Variants in PTPRD observed in about 807,000 individuals in gnomAD.
PTPRD encodes protein tyrosine phosphatase receptor type D, also known as receptor-type tyrosine-protein phosphatase delta.
A neutral mutation model predicts 214.5 loss-of-function variants in PTPRD; 34 were observed. The observed-to-expected ratio is 0.16, with a 90% CI of 0.12 to 0.21. The LOEUF is 0.21. Ranked by LOEUF, PTPRD falls within the 10% of genes least tolerant of loss-of-function variation. The pLI, the probability that PTPRD is intolerant of heterozygous loss-of-function variation, is 1.00. For missense variants in PTPRD, 2,545 were observed against 2,398.7 expected, an observed-to-expected ratio of 1.06 and a Z score of -1.27; for synonymous variants, 1,128 against 845.7, an observed-to-expected ratio of 1.33 and a Z score of -5.79.
chr9:9,678,570 A>T (rs924798811), intron 7 of PTPRD, among the ~76,000 whole-genome samples: 1 of 151,954 alleles, frequency 6.6e-6, no homozygotes, highest in Admixed American at 6.6e-5. Flanking sequence ...TTTAATAAAA[A>T]TTATAGTGAA....
chr9:9,061,052 TG>T (rs2099706302), intron 10 of PTPRD, among the ~76,000 whole-genome samples: 1 of 152,128 alleles, frequency 6.6e-6, no homozygotes, highest in South Asian at 2.1e-4. Context: ...CAAGCATAAC[TG>T]AAGTTTGGTG....
chr9:10,448,613 G>C (rs572663877), intron 2 of PTPRD, among the ~76,000 whole-genome samples: 3 of 151,984 alleles, frequency 2.0e-5, no homozygotes, highest in Non-Finnish European at 4.4e-5. Flanking sequence ...TGTATGATTT[G>C]ATCCCTTCTT....
chr9:10,329,527 T>A (rs1015989888), intron 3 of PTPRD, among the ~76,000 whole-genome samples: 10 of 151,994 alleles, frequency 6.6e-5, no homozygotes, highest in Middle Eastern at 3.4e-3. Flanking sequence ...TGATAGGTAA[T>A]CAAATGGTCT....
intron 10 of PTPRD, among the ~76,000 whole-genome samples, chr9:9,145,758 G>C (rs572543308): frequency 1.3e-5 from 2 of 152,208 alleles, no homozygotes; most frequent in Non-Finnish European, 2.9e-5. Context: ...ATCTTGGTCA[G>C]AGATTGGGAC....
chr9:9,789,274 G>A (rs1053883495), intron 5 of PTPRD, among the ~76,000 whole-genome samples: 3 of 152,148 alleles, frequency 2.0e-5, no homozygotes, highest in African/African-American at 7.2e-5. Context: ...TCATCAAGCG[G>A]AATGCCTTGG....
intron 7 of PTPRD, among the ~76,000 whole-genome samples, chr9:9,677,417 T>C (rs1294744110): frequency 2.0e-5 from 3 of 152,040 alleles, no homozygotes; most frequent in Non-Finnish European, 4.4e-5. Flanking sequence ...GTTCAACATA[T>C]ACAAATCAAT....
At chr9:9,182,496 C>T (rs1184233043) in intron 10 of PTPRD, among the ~76,000 whole-genome samples, 2 of 151,818 alleles carry the variant, frequency 1.3e-5, no homozygotes, top group African/African-American at 2.4e-5. Flanking sequence ...AAGTTTATTA[C>T]GAGATAATAG....
At chr9:9,848,727 C>A (rs2060001016) in intron 5 of PTPRD, among the ~76,000 whole-genome samples, 1 of 152,042 alleles carries the variant, frequency 6.6e-6, no homozygotes, top group Non-Finnish European at 1.5e-5. Flanking sequence ...ACATCTTCAT[C>A]ATTTTAATAC....
chr9:10,532,772 G>A (rs1403010329), intron 2 of PTPRD, among the ~76,000 whole-genome samples: 1 of 151,622 alleles, frequency 6.6e-6, no homozygotes, highest in Admixed American at 6.6e-5. Flanking sequence ...TTGTGTGTAA[G>A]GACTCTTAGA....
chr9:10,569,820 A>T (rs2066859230), intron 2 of PTPRD, among the ~76,000 whole-genome samples: 1 of 152,094 alleles, frequency 6.6e-6, no homozygotes, highest in Admixed American at 6.6e-5. Flanking sequence ...AATAATGCAT[A>T]TAACTAATGA....
chr9:9,749,036 TTC>T (rs2098486626), intron 6 of PTPRD, among the ~76,000 whole-genome samples: 3 of 152,094 alleles, frequency 2.0e-5, no homozygotes, highest in Non-Finnish European at 4.4e-5. Context: ...ATCTCCCTTC[TTC>T]TTCTTTCCTC....
At chr9:8,559,925 A>T (rs1280362527) in intron 14 of PTPRD, among the ~76,000 whole-genome samples, 1 of 152,332 alleles carries the variant, frequency 6.6e-6, no homozygotes, top group Non-Finnish European at 1.5e-5. Flanking sequence ...AATAGTGTTT[A>T]TTGAAAACCT....
intron 8 of PTPRD, among the ~76,000 whole-genome samples, chr9:9,502,565 T>G (rs997211903): frequency 1.3e-5 from 2 of 151,952 alleles, no homozygotes; most frequent in Admixed American, 1.3e-4. Context: ...TGAGTATAAT[T>G]CAGTGATTCC....
chr9:8,857,052 T>G (rs570666937), intron 11 of PTPRD, among the ~76,000 whole-genome samples: 1 of 152,208 alleles, frequency 6.6e-6, no homozygotes, highest in Non-Finnish European at 1.5e-5. Context: ...GTGTGTTAAG[T>G]ACACCAGATT....
At chr9:10,203,344 A>C (rs897757387) in intron 3 of PTPRD, among the ~76,000 whole-genome samples, 3 of 152,028 alleles carry the variant, frequency 2.0e-5, no homozygotes, top group African/African-American at 7.2e-5. Context: ...TCAGAAGAAA[A>C]TAAACCTAGC....
At chr9:9,832,773 T>C (rs1378902396) in intron 5 of PTPRD, among the ~76,000 whole-genome samples, 1 of 151,986 alleles carries the variant, frequency 6.6e-6, no homozygotes, top group Non-Finnish European at 1.5e-5. Flanking sequence ...CCAGTGATGA[T>C]GAGGCAACTA....
chr9:9,333,021 A>C (rs1483963356), intron 9 of PTPRD, among the ~76,000 whole-genome samples: 1 of 152,046 alleles, frequency 6.6e-6, no homozygotes, highest in African/African-American at 2.4e-5. Flanking sequence ...TAAGACACTG[A>C]ATCGGTGGAA....
chr9:10,152,294 T>A (rs1043064693), intron 3 of PTPRD, among the ~76,000 whole-genome samples: 2 of 152,194 alleles, frequency 1.3e-5, no homozygotes, highest in Non-Finnish European at 2.9e-5. Flanking sequence ...ATATCTTTTT[T>A]ATGTGGTTAT....
intron 2 of PTPRD, among the ~76,000 whole-genome samples, chr9:10,388,112 C>G (rs1044871670): frequency 6.6e-6 from 1 of 151,610 alleles, no homozygotes; most frequent in Non-Finnish European, 1.5e-5. Flanking sequence ...TACCATTTCT[C>G]TCCTCAAAGA....
Sources: gnomAD v4.1 joint callset for allele counts (sites outside exome capture counted in the v4.1 genomes callset) on GRCh38, gnomAD v4.1.1 for gene constraint, MANE v1.5 for transcripts, NCBI Gene and HGNC (gene_info 2026-07-23, HGNC 2026-07-21) for gene names.